The following GNAT3 variants were observed in gnomAD, a reference collection of about 807,000 sequenced individuals.
GNAT3 encodes the protein guanine nucleotide-binding protein G(t) subunit alpha-3.
Under a neutral mutation model 37.7 loss-of-function variants are expected in GNAT3, and 31 were observed. The ratio of observed to expected loss-of-function variants is 0.82; its 90% confidence interval spans 0.62 to 1.11. GNAT3 has a LOEUF of 1.11. Ranked by LOEUF, GNAT3 falls within the 50% of genes most tolerant of loss-of-function variation. The probability of loss-of-function intolerance (pLI) is 0.00; values close to 1 mark genes in which losing one functional copy is unlikely to be tolerated. For missense variants in GNAT3, 437 were observed against 412.5 expected, an observed-to-expected ratio of 1.06 and a Z score of -0.51; for synonymous variants, 138 against 139.8, an observed-to-expected ratio of 0.99 and a Z score of 0.09.
At chr7:80,490,461 C>A (rs1790570688) in intron 2 of GNAT3, among the ~76,000 whole-genome samples, 1 of 151,890 alleles carries the variant, frequency 6.6e-6, no homozygotes, top group African/African-American at 2.4e-5. Context: ...TAGTAAGATG[C>A]TATAGAAAAG....
At chr7:80,460,713 A>T (rs1464768740) in intron 7 of GNAT3, among the ~76,000 whole-genome samples, 1 of 151,794 alleles carries the variant, frequency 6.6e-6, no homozygotes, top group Non-Finnish European at 1.5e-5. Context: ...GTGCCACTGC[A>T]CTCCAGCCTG....
At chr7:80,506,906 A>G in intron 1 of GNAT3, among the ~76,000 whole-genome samples, 1 of 152,110 alleles carries the variant, frequency 6.6e-6, no homozygotes, top group Non-Finnish European at 1.5e-5. Context: ...ACAGTTTTCA[A>G]GAATGCAATA....
chr7:80,497,657 C>CGTATACGTATACGT (rs1482447108), intron 1 of GNAT3, among the ~76,000 whole-genome samples: 1 of 112,966 alleles, frequency 8.9e-6, no homozygotes, highest in African/African-American at 5.0e-5. Flanking sequence ...TACGTATATA[C>CGTATACGTATACGT]ATATACGTAT....
intron 7 of GNAT3, among the ~76,000 whole-genome samples, chr7:80,459,180 TTTTA>T (rs1433609985): frequency 6.6e-6 from 1 of 152,096 alleles, no homozygotes; most frequent in Non-Finnish European, 1.5e-5. Flanking sequence ...GTATGGGTGT[TTTTA>T]TACAAATTAA....
At chr7:80,499,568 G>C (rs1354907876) in intron 1 of GNAT3, among the ~76,000 whole-genome samples, 1 of 152,162 alleles carries the variant, frequency 6.6e-6, no homozygotes, top group African/African-American at 2.4e-5. Flanking sequence ...TGTACTTTCA[G>C]AGGCATACTG....
At chr7:80,497,473 C>A (rs1030488041) in intron 1 of GNAT3, among the ~76,000 whole-genome samples, 2 of 151,508 alleles carry the variant, frequency 1.3e-5, no homozygotes, top group Non-Finnish European at 2.9e-5. Context: ...ACTGAATATT[C>A]GAAATTCTAG....
chr7:80,479,565 A>C (rs1056555135), intron 3 of GNAT3, among the ~76,000 whole-genome samples: 2 of 151,922 alleles, frequency 1.3e-5, no homozygotes, highest in African/African-American at 4.8e-5. Flanking sequence ...CAAAAAAATT[A>C]GTCAGGGATG....
intron 3 of GNAT3, among the ~76,000 whole-genome samples, chr7:80,479,576 T>C (rs1790357385): frequency 1.3e-5 from 2 of 151,832 alleles, no homozygotes; most frequent in Non-Finnish European, 2.9e-5. Context: ...GTCAGGGATG[T>C]AGTACATGTC....
At chr7:80,474,463 A>G in intron 4 of GNAT3, 84 bp from the exon 5 acceptor site, 7 of 546,716 alleles carry the variant, frequency 1.3e-5, no homozygotes, top group African/African-American at 2.7e-5. Context: ...ACATACATAC[A>G]TATATATGTG....
chr7:80,504,566 T>C (rs990151436), intron 1 of GNAT3, among the ~76,000 whole-genome samples: 5 of 152,216 alleles, frequency 3.3e-5, no homozygotes, highest in African/African-American at 7.2e-5. Flanking sequence ...AAATAAATTT[T>C]CTTGGGCTAA....
At chr7:80,488,069 T>TA (rs1016223211) in intron 3 of GNAT3, among the ~76,000 whole-genome samples, 47 of 151,840 alleles carry the variant, frequency 3.1e-4, no homozygotes, top group Admixed American at 2.4e-3. Flanking sequence ...AATTCTTTTT[T>TA]AAAAAAAAAC....
intron 3 of GNAT3, among the ~76,000 whole-genome samples, chr7:80,480,982 C>T (rs958111849): frequency 6.6e-6 from 1 of 152,088 alleles, no homozygotes; most frequent in Non-Finnish European, 1.5e-5. Context: ...GCCTCTGACA[C>T]TACCAGTGAA....
At chr7:80,479,364 C>T (rs1260954891) in intron 3 of GNAT3, among the ~76,000 whole-genome samples, 1 of 151,768 alleles carries the variant, frequency 6.6e-6, no homozygotes, top group Admixed American at 6.6e-5. Context: ...CTGATTTAAT[C>T]TGGTATCTTC....
chr7:80,507,317 A>G (rs1790965674), intron 1 of GNAT3, among the ~76,000 whole-genome samples: 1 of 151,950 alleles, frequency 6.6e-6, no homozygotes, highest in Admixed American at 6.6e-5. Context: ...ACTCATATCT[A>G]GGGATAATTA....
intron 3 of GNAT3, among the ~76,000 whole-genome samples, chr7:80,481,630 G>A (rs549195031): frequency 1.1e-4 from 17 of 152,286 alleles, no homozygotes; most frequent in African/African-American, 4.1e-4. Context: ...TGTGGGGGAA[G>A]TTTACATTGT....
At chr7:80,503,392 G>C (rs552275390) in intron 1 of GNAT3, among the ~76,000 whole-genome samples, 3 of 152,070 alleles carry the variant, frequency 2.0e-5, no homozygotes, top group African/African-American at 7.2e-5. Flanking sequence ...CAAATAAAAG[G>C]CTTTGCTTGG....
Position 80,474,471 on chromosome 7 carries a change from G to A in GNAT3, c.462-92C>T, listed in dbSNP as rs555125855. The A allele has an allele frequency of 2.0e-4, 99 of 503,256 alleles. 2 individuals are homozygous for A. Among genetic ancestry groups the A allele is most frequent in the African/African-American group, 1.7e-3 (73 of 42,106 alleles). The allele number at this position is 503,256 out of a possible 1,614,324, so 31.2% of individuals were successfully genotyped here. A position where few individuals can be genotyped will look rare whatever the true frequency, so the allele number is the denominator to read the frequency against. ...TATACACACATACATACATATATATGTGTGTGTATATATATATATTTTTAA... is the reference window on the plus strand; with the variant it reads ...TATACACACATACATACATATATATATGTGTGTATATATATATATTTTTAA... On this transcript the variant is annotated intron_variant, in intron 4 of 7. Transcript: ENST00000398291.
chr7:80,494,881 C>A (rs1253370753), intron 1 of GNAT3, among the ~76,000 whole-genome samples: 1 of 152,080 alleles, frequency 6.6e-6, no homozygotes, highest in Non-Finnish European at 1.5e-5. Context: ...CCTCACCTCC[C>A]TCTCATGCTC....
At position 80,488,092 on chromosome 7, in the gene GNAT3, C is replaced by A. The variant is rs114729145; in HGVS notation, c.303+443G>T. Reference sequence around the variant, plus strand: ...TTTAAAAAAAAACTTATCAAGTAATCATTTCCCTGTTGCCACACAGACCTT... The same window carrying A: ...TTTAAAAAAAAACTTATCAAGTAATAATTTCCCTGTTGCCACACAGACCTT... On this transcript the variant is annotated intron_variant, in intron 3 of 7. Coordinates refer to ENST00000398291, the MANE Select transcript of GNAT3 (RefSeq NM_001102386.3). Among the ~76,000 whole-genome samples the A allele has an allele frequency of 4.8e-3, 737 of 152,138 alleles. 4 individuals are homozygous for A. Among genetic ancestry groups the A allele is most frequent in the African/African-American group, 0.017 (695 of 41,520 alleles).
Sources: allele counts gnomAD v4.1 joint callset (sites outside exome capture counted in the v4.1 genomes callset), GRCh38; gene constraint gnomAD v4.1.1; transcripts MANE v1.5; gene names NCBI Gene and HGNC (gene_info 2026-07-23, HGNC 2026-07-21).